Variants in EIF4G3 observed in about 807,000 individuals in gnomAD.
EIF4G3 encodes the protein eIF-4-gamma 3.
Under a neutral mutation model 186.4 loss-of-function variants are expected in EIF4G3, and 34 were observed. That is an observed-to-expected ratio of 0.18 (90% CI 0.14 to 0.24). The LOEUF (loss-of-function observed/expected upper bound fraction) is 0.24, where lower values mean the gene tolerates loss of function less well. Ranked by LOEUF, EIF4G3 falls within the 10% of genes least tolerant of loss-of-function variation. The probability of loss-of-function intolerance (pLI) is 1.00; values close to 1 mark genes in which losing one functional copy is unlikely to be tolerated. For synonymous variants in EIF4G3, 673 were observed against 679.5 expected (o/e 0.99, Z 0.15); for missense variants, 1,536 against 1,948.5 (o/e 0.79, Z 3.99).
At chr1:20,995,518 C>G (rs1230354084) in intron 7 of EIF4G3, among the ~76,000 whole-genome samples, 1 of 151,912 alleles carries the variant, frequency 6.6e-6, no homozygotes, top group African/African-American at 2.4e-5. Context: ...ATTACAGGTG[C>G]CCACCACCAC....
chr1:20,840,739 G>T (rs2068301086), intron 30 of EIF4G3, 117 bp downstream of exon 30: 2 of 906,958 alleles, frequency 2.2e-6, no homozygotes, highest in African/African-American at 1.7e-5. Flanking sequence ...ACATATTACA[G>T]TGGATACAAT....
intron 11 of EIF4G3, among the ~76,000 whole-genome samples, chr1:20,970,269 T>C (rs1475616846): frequency 6.6e-6 from 1 of 152,234 alleles, no homozygotes; most frequent in Admixed American, 6.5e-5. Flanking sequence ...AATCATGCCT[T>C]TTCCAGCAAA....
intron 19 of EIF4G3, among the ~76,000 whole-genome samples, chr1:20,884,616 T>C (rs1165601287): frequency 2.0e-5 from 3 of 152,170 alleles, no homozygotes; most frequent in East Asian, 1.9e-4. Context: ...GGTTGAGATA[T>C]GTTGAAATGG....
intron 30 of EIF4G3, among the ~76,000 whole-genome samples, chr1:20,830,846 G>C (rs987030110): frequency 6.6e-6 from 1 of 152,062 alleles, no homozygotes; most frequent in South Asian, 2.1e-4. Context: ...GAACAAGCCT[G>C]TAAGAAGCTT....
intron 14 of EIF4G3, among the ~76,000 whole-genome samples, chr1:20,929,090 A>G (rs190753381): frequency 6.6e-6 from 1 of 152,336 alleles, no homozygotes; most frequent in Admixed American, 6.5e-5. Context: ...ATTTCATGGT[A>G]TGTATATATC....
At chr1:20,865,789 T>C (rs953799513) in intron 20 of EIF4G3, among the ~76,000 whole-genome samples, 1 of 152,136 alleles carries the variant, frequency 6.6e-6, no homozygotes, top group African/African-American at 2.4e-5. Flanking sequence ...ATGTTAGCAC[T>C]TACCTTGACT....
At chr1:21,045,232 G>A (rs1344278830) in intron 4 of EIF4G3, among the ~76,000 whole-genome samples, 8 of 152,222 alleles carry the variant, frequency 5.3e-5, no homozygotes, top group South Asian at 2.1e-4. Context: ...CAAGATTCCC[G>A]GAAGCTGGAT....
chr1:21,072,499 G>A (rs1157968963), intron 3 of EIF4G3, among the ~76,000 whole-genome samples: 2 of 152,098 alleles, frequency 1.3e-5, no homozygotes, highest in African/African-American at 4.8e-5. Context: ...TGCCTCCCAG[G>A]TTCACGCCAT....
At chr1:21,078,163 G>A (rs187286146) in intron 3 of EIF4G3, among the ~76,000 whole-genome samples, 2 of 152,282 alleles carry the variant, frequency 1.3e-5, no homozygotes, top group Admixed American at 1.3e-4. Context: ...AGAGATAGCT[G>A]CCACCCGTGT....
At chr1:20,890,040 T>C (rs1215947895) in intron 18 of EIF4G3, among the ~76,000 whole-genome samples, 1 of 152,032 alleles carries the variant, frequency 6.6e-6, no homozygotes, top group African/African-American at 2.4e-5. Context: ...TGGCGTGATC[T>C]TGGCTCACTA....
At chr1:21,083,974 A>T (rs567646549) in intron 3 of EIF4G3, among the ~76,000 whole-genome samples, 1 of 152,218 alleles carries the variant, frequency 6.6e-6, no homozygotes, top group South Asian at 2.1e-4. Flanking sequence ...CCCACATCCA[A>T]GACATCAACA....
At chr1:20,930,466 A>G (rs1412469611) in intron 14 of EIF4G3, among the ~76,000 whole-genome samples, 1 of 152,204 alleles carries the variant, frequency 6.6e-6, no homozygotes, top group East Asian at 1.9e-4. Context: ...CCAACTCAAG[A>G]AACCATTTTC....
At chr1:20,832,714 G>C (rs1325514802) in intron 30 of EIF4G3, among the ~76,000 whole-genome samples, 1 of 148,072 alleles carries the variant, frequency 6.8e-6, no homozygotes, top group African/African-American at 2.5e-5. Flanking sequence ...GTAATGCCTA[G>C]GTTTTCTTCT....
chr1:21,078,838 C>T (rs1198185039), intron 3 of EIF4G3, among the ~76,000 whole-genome samples: 2 of 151,904 alleles, frequency 1.3e-5, no homozygotes, highest in African/African-American at 2.4e-5. Context: ...TACAAAAATT[C>T]GCCGGGTATA....
At chr1:20,909,109 G>A (rs1004194663) in intron 14 of EIF4G3, among the ~76,000 whole-genome samples, 1 of 151,342 alleles carries the variant, frequency 6.6e-6, no homozygotes, top group Non-Finnish European at 1.5e-5. Flanking sequence ...CAGAGATCAC[G>A]CCACTGCACT....
In EIF4G3 at chr1:21,092,871, C is replaced by T. The variant is rs1260098086; in HGVS notation, c.-271-3658G>A. On this transcript the variant is annotated intron_variant, in intron 2 of 36. Coordinates refer to ENST00000602326, the MANE Select transcript of EIF4G3 (RefSeq NM_001391906.1). Reference sequence around the variant, plus strand: ...GGGAAAAGATTCCCTATTTAATAAACGGTGCTGGGAAAACTGGCTAGCCAT... The same window carrying T: ...GGGAAAAGATTCCCTATTTAATAAATGGTGCTGGGAAAACTGGCTAGCCAT... Among the ~76,000 whole-genome samples the T allele has an allele frequency of 6.6e-5, 10 of 152,126 alleles. No homozygotes were observed. In the South Asian group the frequency reaches 8.3e-4, roughly 13 times the overall value.
chr1:21,128,187 A>T (rs1458839498), intron 2 of EIF4G3, among the ~76,000 whole-genome samples: 3 of 148,824 alleles, frequency 2.0e-5, no homozygotes, highest in Non-Finnish European at 4.4e-5. Context: ...AGCCTGGGCG[A>T]CAGAGCAAGA....
intron 34 of EIF4G3, among the ~76,000 whole-genome samples, chr1:20,814,291 C>T (rs2059907518): frequency 6.6e-6 from 1 of 152,106 alleles, no homozygotes; most frequent in South Asian, 2.1e-4. Context: ...TTTGCACATT[C>T]TTGCTAAAAT....
chr1:21,046,735 C>G (rs1300782758), intron 4 of EIF4G3, among the ~76,000 whole-genome samples: 4 of 152,182 alleles, frequency 2.6e-5, no homozygotes, highest in Non-Finnish European at 5.9e-5. Context: ...TTACCGCCAA[C>G]AGAAAATAAC....
Sources: gnomAD v4.1 joint callset for allele counts (sites outside exome capture counted in the v4.1 genomes callset) on GRCh38, gnomAD v4.1.1 for gene constraint, MANE v1.5 for transcripts, NCBI Gene and HGNC (gene_info 2026-07-23, HGNC 2026-07-21) for gene names.